RPTOR: variants seen among roughly 807,000 people sequenced by gnomAD.
RPTOR encodes the protein regulatory associated protein of MTOR complex 1.
A neutral mutation model predicts 169.9 loss-of-function variants in RPTOR; 21 were observed. The observed-to-expected ratio is 0.12, with a 90% CI of 0.09 to 0.18. RPTOR has a LOEUF of 0.18. Among genes scored for constraint, RPTOR ranks in the 10% least tolerant of loss-of-function variants. The probability of loss-of-function intolerance (pLI) is 1.00; values close to 1 mark genes in which losing one functional copy is unlikely to be tolerated. For synonymous variants in RPTOR, 732 were observed against 753.2 expected, an observed-to-expected ratio of 0.97 and a Z score of 0.46; for missense variants, 1,133 against 1,855.9, an observed-to-expected ratio of 0.61 and a Z score of 7.16.
At chr17:80,549,118 T>A (rs996841440) in intron 1 of RPTOR, among the ~76,000 whole-genome samples, 1 of 152,206 alleles carries the variant, frequency 6.6e-6, no homozygotes, top group Non-Finnish European at 1.5e-5. Context: ...GCCATCTTTG[T>A]TTTGAATCAG....
At chr17:80,810,462 A>G (rs1300834963) in intron 7 of RPTOR, among the ~76,000 whole-genome samples, 1 of 152,166 alleles carries the variant, frequency 6.6e-6, no homozygotes, top group African/African-American at 2.4e-5. Context: ...CTATAACTGT[A>G]TAGTTCTATT....
Position 80,947,407 on chromosome 17 carries a change from G to T in RPTOR, c.3265+56G>T. On this transcript the variant is annotated intron_variant, in intron 27 of 33. Coordinates refer to ENST00000306801, the MANE Select transcript of RPTOR (RefSeq NM_020761.3). This position sits in a 1 kb window ranked among gnomAD's most constrained non-coding sequence, Gnocchi z 4.4. Reference sequence around the variant, plus strand: ...AGCCAGGGTCTGGAGGAGTGGCGGGGAGGGTGTGTGATCCTGAGATGTGTT... The same window carrying T: ...AGCCAGGGTCTGGAGGAGTGGCGGGTAGGGTGTGTGATCCTGAGATGTGTT... 6.8e-7 allele frequency: 1 copy of T among 1,480,826 alleles called. No individual in the cohort carries two copies. Among genetic ancestry groups the T allele is most frequent in the South Asian group, 1.4e-5 (1 of 70,688 alleles). 91.7% of individuals were successfully genotyped at this position (1,480,826 alleles called of 1,614,324 possible).
intron 6 of RPTOR, among the ~76,000 whole-genome samples, chr17:80,770,668 C>G (rs920665001): frequency 2.0e-5 from 3 of 152,212 alleles, no homozygotes; most frequent in Non-Finnish European, 2.9e-5. Context: ...TGTTTGCATT[C>G]TCTAAGAGGA....
intron 6 of RPTOR, among the ~76,000 whole-genome samples, chr17:80,759,833 G>A (rs9893281): frequency 0.014 from 2,077 of 152,132 alleles, 53 homozygotes; most frequent in African/African-American, 0.048. Flanking sequence ...AAAGTTAAAA[G>A]TAGAAAAAAA....
At chr17:80,848,852 C>T (rs2067761356) in intron 11 of RPTOR, among the ~76,000 whole-genome samples, 1 of 152,256 alleles carries the variant, frequency 6.6e-6, no homozygotes. Context: ...TGGCCACCCA[C>T]ACTCCCTCAA....
Position 80,625,818 on chromosome 17 carries a change from G to T in RPTOR, c.265+25G>T, listed in dbSNP as rs773737771. The T allele has an allele frequency of 3.3e-6, 5 of 1,522,038 alleles. No homozygotes were observed. The South Asian group carries it at 4.5e-5, about 14-fold the overall frequency. The allele number at this position is 1,522,038 out of a possible 1,614,324, so 94.3% of individuals were successfully genotyped here. On this transcript the variant is annotated intron_variant, in intron 2 of 33. Coordinates refer to ENST00000306801, the MANE Select transcript of RPTOR (RefSeq NM_020761.3). Reference sequence around the variant, plus strand: ...GGTGAGTATGCCTCCCTCACGCGCTGCCACAAAGGCCGTCTGGCCGGCTCT... The same window carrying T: ...GGTGAGTATGCCTCCCTCACGCGCTTCCACAAAGGCCGTCTGGCCGGCTCT...
chr17:80,545,583 TTCTCGAGCGC>T lies in RPTOR; in HGVS notation c.-45_-36del, dbSNP rs2084264267. On this transcript the variant is annotated 5_prime_UTR_variant, in exon 1 of 34. Coordinates refer to ENST00000306801, the MANE Select transcript of RPTOR (RefSeq NM_020761.3). ...ACACGCTAGTTTTTAAGGCTGGAGGTTCTCGAGCGCTTGCTGCCAAGGACTCCCCCACCCC... is the reference window on the plus strand; with the variant it reads ...ACACGCTAGTTTTTAAGGCTGGAGGTTTGCTGCCAAGGACTCCCCCACCCC... 6.8e-7 allele frequency: 1 copy of T among 1,470,810 alleles called. No homozygotes were observed. The highest frequency in any genetic ancestry group is 1.4e-5 in the African/African-American group (1 of 69,884). 91.1% of individuals were successfully genotyped at this position (1,470,810 alleles called of 1,614,324 possible).
chr17:80,812,776 C>A (rs2143580796), intron 7 of RPTOR, among the ~76,000 whole-genome samples: 1 of 152,376 alleles, frequency 6.6e-6, no homozygotes, highest in South Asian at 2.1e-4. Context: ...GTCTGAATCA[C>A]CTCATCTGCC....
intron 18 of RPTOR, among the ~76,000 whole-genome samples, chr17:80,892,436 G>A (rs1290118397): frequency 1.3e-5 from 2 of 152,214 alleles, no homozygotes; most frequent in African/African-American, 2.4e-5. Flanking sequence ...CACGGCCCAC[G>A]TCACCATGCA....
At position 80,936,994 on chromosome 17, in the gene RPTOR, C is replaced by T. The variant is rs941813330; in HGVS notation, c.2920-3502C>T. 1.3e-5 allele frequency among the ~76,000 whole-genome samples: 2 copies of T among 152,168 alleles called. No homozygotes were observed. Among genetic ancestry groups the T allele is most frequent in the African/African-American group, 2.4e-5 (1 of 41,438 alleles). ...TCACGACGCACACCACTACCTCTTC[C>T]GCCTCTTCCTCTGCTGCCTCTGTCC... On this transcript the variant is annotated intron_variant, in intron 24 of 33. Coordinates refer to ENST00000306801, the MANE Select transcript of RPTOR (RefSeq NM_020761.3). This position sits in a 1 kb window ranked among gnomAD's most constrained non-coding sequence, Gnocchi z 4.1.
intron 3 of RPTOR, among the ~76,000 whole-genome samples, chr17:80,700,712 G>GTGATGGTGGTGGTGATGGTGA (rs1567864615): frequency 4.8e-4 from 2 of 4,202 alleles, no homozygotes; most frequent in East Asian, 7.5e-3. Flanking sequence ...GGTGGTGATG[G>GTGATGGTGGTGGTGATGGTGA]TGGTGGTGGT....
At chr17:80,548,972 C>A (rs747318459) in intron 1 of RPTOR, among the ~76,000 whole-genome samples, 6 of 152,160 alleles carry the variant, frequency 3.9e-5, no homozygotes, top group Non-Finnish European at 7.3e-5. Context: ...TATTTAGTAG[C>A]CTTGCTACAG....
chr17:80,817,981 C>T (rs1034844853), intron 7 of RPTOR, among the ~76,000 whole-genome samples: 8 of 152,152 alleles, frequency 5.3e-5, no homozygotes, highest in South Asian at 2.1e-4. Context: ...GGCAAGAAAC[C>T]GCATGCCACA....
At chr17:80,666,319 C>T (rs2065778891) in intron 3 of RPTOR, among the ~76,000 whole-genome samples, 1 of 152,018 alleles carries the variant, frequency 6.6e-6, no homozygotes, top group Non-Finnish European at 1.5e-5. Flanking sequence ...ACTCTTGTTC[C>T]CTCTCCCTCG....
chr17:80,638,996 G>A (rs2065531399), intron 2 of RPTOR, among the ~76,000 whole-genome samples: 1 of 152,164 alleles, frequency 6.6e-6, no homozygotes, highest in South Asian at 2.1e-4. Flanking sequence ...TGTCCCAGAT[G>A]CCTGCAGCTG....
intron 25 of RPTOR, chr17:80,941,827 C>T (rs893137801): frequency 2.6e-5 from 4 of 152,282 alleles, no homozygotes; most frequent in East Asian, 3.9e-4. Context: ...TGCCTAGGCC[C>T]GGCTCACACC....
At chr17:80,951,381 C>A (rs768388069) in intron 28 of RPTOR, among the ~76,000 whole-genome samples, 1 of 152,226 alleles carries the variant, frequency 6.6e-6, no homozygotes, top group Non-Finnish European at 1.5e-5. Flanking sequence ...TCGGCCCAGA[C>A]CCTCCAGTGC....
chr17:80,937,098 G>A (rs2068964162), intron 24 of RPTOR, among the ~76,000 whole-genome samples: 1 of 152,164 alleles, frequency 6.6e-6, no homozygotes, highest in Admixed American at 6.5e-5. Context: ...AAGCGTCAAG[G>A]GGAAAAGCAC....
In RPTOR at chr17:80,820,205, G is replaced by T. The variant is rs112138496; in HGVS notation, c.891-1996G>T. 2.0e-5 allele frequency among the ~76,000 whole-genome samples: 3 copies of T among 152,206 alleles called. No individual in the cohort carries two copies. Among genetic ancestry groups the T allele is most frequent in the African/African-American group, 7.2e-5 (3 of 41,450 alleles). ...CTGTCCTCTGCATGGCTTTGGTAAGGAGGGCAGGCAGCGCTCGGTGACAGT... is the reference window on the plus strand; with the variant it reads ...CTGTCCTCTGCATGGCTTTGGTAAGTAGGGCAGGCAGCGCTCGGTGACAGT... On this transcript the variant is annotated intron_variant, in intron 7 of 33. Transcript: ENST00000306801. This position sits in a 1 kb window ranked among gnomAD's most constrained non-coding sequence, Gnocchi z 4.1.
Sources: gnomAD v4.1 joint callset for allele counts (sites outside exome capture counted in the v4.1 genomes callset) on GRCh38, gnomAD v4.1.1 for gene constraint, Gnocchi (gnomAD v3.1) non-coding constraint, MANE v1.5 for transcripts, NCBI Gene and HGNC (gene_info 2026-07-23, HGNC 2026-07-21) for gene names.